SULF2: variants seen among roughly 807,000 people sequenced by gnomAD.
SULF2 encodes extracellular sulfatase Sulf-2.
A neutral mutation model predicts 107.7 loss-of-function variants in SULF2; 52 were observed. That is an observed-to-expected ratio of 0.48 (90% CI 0.39 to 0.61). The LOEUF (loss-of-function observed/expected upper bound fraction) is 0.61, where lower values mean the gene tolerates loss of function less well. Ranked by LOEUF, SULF2 falls within the 20% of genes least tolerant of loss-of-function variation. The pLI is 0.00. For synonymous variants in SULF2, 460 were observed against 464.3 expected (o/e 0.99, Z 0.12); for missense variants, 993 against 1,177.3 (o/e 0.84, Z 2.29).
intron 3 of SULF2, among the ~76,000 whole-genome samples, chr20:47,728,209 C>CTG (rs1172769821): frequency 6.6e-6 from 1 of 151,956 alleles, no homozygotes; most frequent in East Asian, 1.9e-4. Flanking sequence ...AAGAAGGGAG[C>CTG]TGTGTGTGTG....
At chr20:47,664,261 A>G in intron 14 of SULF2, 72 bp from the exon 15 acceptor site, 1 of 1,471,038 alleles carries the variant, frequency 6.8e-7, no homozygotes, top group South Asian at 1.2e-5. Context: ...GCAAGCTGTG[A>G]TTTCTGGGAC....
chr20:47,682,839 T>G (rs565999261), intron 7 of SULF2, among the ~76,000 whole-genome samples, 155 bp downstream of exon 7: 9 of 152,244 alleles, frequency 5.9e-5, no homozygotes, highest in African/African-American at 2.2e-4. Flanking sequence ...AGCAGAGGGA[T>G]ATAACATGCA....
intron 1 of SULF2, among the ~76,000 whole-genome samples, chr20:47,783,683 T>C (rs376787987): frequency 4.1e-4 from 62 of 152,292 alleles, no homozygotes; most frequent in African/African-American, 1.4e-3. Flanking sequence ...CAAACCCACA[T>C]TGACCCTCAG....
chr20:47,709,417 G>A (rs1041089528), intron 3 of SULF2, among the ~76,000 whole-genome samples: 6 of 152,236 alleles, frequency 3.9e-5, no homozygotes, highest in Admixed American at 1.3e-4. Flanking sequence ...CCTCCTGTGT[G>A]CCCAGCACTA....
chr20:47,682,129 C>A (rs1485799003), intron 7 of SULF2, among the ~76,000 whole-genome samples: 4 of 151,990 alleles, frequency 2.6e-5, no homozygotes, highest in African/African-American at 9.7e-5. Flanking sequence ...AACAGTCAGT[C>A]ATCACTTTCT....
chr20:47,682,813 C>T (rs66967074), intron 7 of SULF2, among the ~76,000 whole-genome samples, 181 bp downstream of exon 7: 8,932 of 152,252 alleles, frequency 0.059, 403 homozygotes, highest in African/African-American at 0.12. Flanking sequence ...TAACAGCTCC[C>T]GGCCTCTCCT....
intron 3 of SULF2, among the ~76,000 whole-genome samples, chr20:47,723,781 T>C (rs903744187): frequency 2.6e-5 from 4 of 152,224 alleles, no homozygotes; most frequent in African/African-American, 4.8e-5. Context: ...GGGCTCCCAC[T>C]GATTCTACAT....
rs536187016 is a variant in SULF2 at position 47,672,767 on chromosome 20, C to T, written c.1381-374G>A. Among the ~76,000 whole-genome samples, 6 of 152,292 alleles carry T rather than the reference C, an allele frequency of 3.9e-5. No individual in the cohort carries two copies. In the South Asian group the frequency reaches 1.2e-3, roughly 32 times the overall value. Reference sequence around the variant, plus strand: ...TGTCTTTAAGACAAGACCCAAGCTCCTGATACTAGTCTTTGAACATCCTCT... The same window carrying T: ...TGTCTTTAAGACAAGACCCAAGCTCTTGATACTAGTCTTTGAACATCCTCT... On this transcript the variant is annotated intron_variant, in intron 10 of 20. Transcript: ENST00000688720.
At chr20:47,698,279 C>A (rs140861507) in intron 4 of SULF2, among the ~76,000 whole-genome samples, 1 of 152,208 alleles carries the variant, frequency 6.6e-6, no homozygotes, top group African/African-American at 2.4e-5. Flanking sequence ...AACGTTCCAG[C>A]GTAGAGCTCC....
intron 2 of SULF2, among the ~76,000 whole-genome samples, chr20:47,747,931 C>T (rs1344882079): frequency 6.6e-6 from 1 of 152,192 alleles, no homozygotes; most frequent in East Asian, 1.9e-4. Flanking sequence ...CTCTGCAGTG[C>T]CCCGTCCTGC....
chr20:47,778,697 T>A (rs1014537459), intron 1 of SULF2, among the ~76,000 whole-genome samples: 2 of 152,180 alleles, frequency 1.3e-5, no homozygotes, highest in Non-Finnish European at 2.9e-5. Flanking sequence ...CTCTGTCTGT[T>A]AATCACTGAG....
intron 3 of SULF2, among the ~76,000 whole-genome samples, chr20:47,707,551 C>A (rs1220140104): frequency 6.6e-6 from 1 of 152,266 alleles, no homozygotes; most frequent in East Asian, 1.9e-4. Flanking sequence ...ACCCTTACAA[C>A]CTAGTTCCAC....
intron 1 of SULF2, among the ~76,000 whole-genome samples, chr20:47,772,597 GA>G (rs2090652060): frequency 6.6e-6 from 1 of 152,024 alleles, no homozygotes; most frequent in Non-Finnish European, 1.5e-5. Context: ...AGGAAAAGGG[GA>G]AAAAGGAAAA....
At chr20:47,739,330 G>A (rs1159938537) in intron 2 of SULF2, among the ~76,000 whole-genome samples, 1 of 152,096 alleles carries the variant, frequency 6.6e-6, no homozygotes, top group African/African-American at 2.4e-5. Context: ...CCTGGGATCT[G>A]GGGAAGGCCC....
intron 4 of SULF2, among the ~76,000 whole-genome samples, chr20:47,697,259 A>G (rs1306040579): frequency 1.3e-5 from 2 of 151,840 alleles, no homozygotes; most frequent in Non-Finnish European, 2.9e-5. Flanking sequence ...TCTCATCACC[A>G]CTGCCTCTCT....
intron 3 of SULF2, among the ~76,000 whole-genome samples, chr20:47,720,347 C>G (rs116873066): frequency 0.021 from 3,150 of 152,192 alleles, 50 homozygotes; most frequent in Middle Eastern, 0.044. Flanking sequence ...ACCACTGCCT[C>G]CTGGTTCAAG....
At chr20:47,664,778 G>T (rs549881259) in intron 14 of SULF2, among the ~76,000 whole-genome samples, 5 of 152,250 alleles carry the variant, frequency 3.3e-5, no homozygotes, top group Non-Finnish European at 7.3e-5. Flanking sequence ...CCAGCCACGT[G>T]TGGTGTAGTG....
chr20:47,711,350 T>C (rs2088921481), intron 3 of SULF2, among the ~76,000 whole-genome samples: 1 of 152,210 alleles, frequency 6.6e-6, no homozygotes. Context: ...CCTGTGGTTG[T>C]TGGCAATGAA....
chr20:47,675,406 C>T (rs1022020006), intron 10 of SULF2, among the ~76,000 whole-genome samples: 6 of 152,142 alleles, frequency 3.9e-5, no homozygotes, highest in South Asian at 2.1e-4. Flanking sequence ...AGCTCCTGCC[C>T]GGTGGCAGAT....
Sources: allele counts gnomAD v4.1 joint callset (sites outside exome capture counted in the v4.1 genomes callset), GRCh38; gene constraint gnomAD v4.1.1; transcripts MANE v1.5; gene names NCBI Gene and HGNC (gene_info 2026-07-23, HGNC 2026-07-21).